HMG20A: variants seen among roughly 807,000 people sequenced by gnomAD.
HMG20A encodes high mobility group 20A, also known as high mobility group protein 20A.
Under a neutral mutation model 43.9 loss-of-function variants are expected in HMG20A, and 17 were observed. That is an observed-to-expected ratio of 0.39 (90% CI 0.27 to 0.58). The LOEUF is 0.58. Ranked by LOEUF, HMG20A falls within the 20% of genes least tolerant of loss-of-function variation. The pLI, the probability that HMG20A is intolerant of heterozygous loss-of-function variation, is 0.59. For synonymous variants in HMG20A, 132 were observed against 147.5 expected (o/e 0.89, Z 0.76); for missense variants, 341 against 438.2 (o/e 0.78, Z 1.98).
At chr15:77,481,482 T>A (rs2072905385) in intron 9 of HMG20A, among the ~76,000 whole-genome samples, 1 of 152,206 alleles carries the variant, frequency 6.6e-6, no homozygotes, top group Non-Finnish European at 1.5e-5. Context: ...CATTAATTGA[T>A]AACATCGTGT....
At chr15:77,464,115 T>A (rs34237392) in intron 2 of HMG20A, 125 bp from the exon 3 acceptor site, 105,170 of 1,076,310 alleles carry the variant, frequency 0.098, 5,698 homozygotes, top group Admixed American at 0.12. Flanking sequence ...TGTTTACATT[T>A]ATACAGATTA....
the HMG20A span, among the ~76,000 whole-genome samples, chr15:77,496,921 A>C: frequency 6.6e-6 from 1 of 152,216 alleles, no homozygotes; most frequent in Non-Finnish European, 1.5e-5. Flanking sequence ...CTTATTTCGC[A>C]AGAGAGTGAT....
the HMG20A span, among the ~76,000 whole-genome samples, chr15:77,506,154 T>C: frequency 7.2e-6 from 1 of 139,732 alleles, no homozygotes; most frequent in Non-Finnish European, 1.7e-5. Context: ...CAACAAATAA[T>C]TTTTTAATAT....
intron 2 of HMG20A, among the ~76,000 whole-genome samples, chr15:77,463,002 C>T (rs1324127145): frequency 2.6e-5 from 4 of 152,040 alleles, no homozygotes; most frequent in Non-Finnish European, 5.9e-5. Flanking sequence ...GAACTCCTGA[C>T]CTCAAGTGAT....
At chr15:77,506,085 A>AG in the HMG20A span, among the ~76,000 whole-genome samples, 1 of 151,898 alleles carries the variant, frequency 6.6e-6, no homozygotes, top group African/African-American at 2.4e-5. Flanking sequence ...AAAAAAAAAA[A>AG]AAAAAACCCT....
intron 1 of HMG20A, among the ~76,000 whole-genome samples, chr15:77,444,544 A>C (rs1160936211): frequency 6.6e-6 from 1 of 152,254 alleles, no homozygotes; most frequent in Non-Finnish European, 1.5e-5. Flanking sequence ...AGAAACAATC[A>C]GTAGCTTTTA....
At chr15:77,424,939 C>T (rs944722220) in intron 1 of HMG20A, among the ~76,000 whole-genome samples, 4 of 152,138 alleles carry the variant, frequency 2.6e-5, no homozygotes, top group Non-Finnish European at 4.4e-5. Flanking sequence ...TCTACACATC[C>T]AAACGGGATC....
chr15:77,497,682 A>AGAGAGAGAGAGAGAGAGAGT, the HMG20A span, among the ~76,000 whole-genome samples: 3 of 118,988 alleles, frequency 2.5e-5, no homozygotes, highest in African/African-American at 9.6e-5. Flanking sequence ...AGAGAGAGAG[A>AGAGAGAGAGAGAGAGAGAGT]GTGTGTGTGT....
At chr15:77,456,906 A>G (rs2072660171) in intron 1 of HMG20A, among the ~76,000 whole-genome samples, 1 of 152,220 alleles carries the variant, frequency 6.6e-6, no homozygotes, top group African/African-American at 2.4e-5. Flanking sequence ...TGTGGTATTT[A>G]TTAGAGCTAT....
At chr15:77,437,718 T>C (rs540580390) in intron 1 of HMG20A, among the ~76,000 whole-genome samples, 2 of 151,834 alleles carry the variant, frequency 1.3e-5, no homozygotes, top group East Asian at 2.0e-4. Flanking sequence ...ATTACAGGCA[T>C]GCGCCACCAC....
At chr15:77,509,223 TTTCCTTCC>T in the HMG20A span, among the ~76,000 whole-genome samples, 11 of 152,070 alleles carry the variant, frequency 7.2e-5, no homozygotes, top group Admixed American at 5.2e-4. Flanking sequence ...GTCACCTTCA[TTTCCTTCC>T]TTCCTTCCTT....
chr15:77,478,640 T>C, intron 8 of HMG20A, 130 bp downstream of exon 8: 1 of 712,192 alleles, frequency 1.4e-6, no homozygotes, highest in Middle Eastern at 4.0e-4. Flanking sequence ...TAAACTACAT[T>C]TTTTCTTCTC....
chr15:77,458,361 G>T (rs768583429), intron 1 of HMG20A, 43 bp from the exon 2 acceptor site: 1 of 1,265,492 alleles, frequency 7.9e-7, no homozygotes, highest in South Asian at 1.2e-5. Flanking sequence ...TGAAATGGAA[G>T]TAATTAAGCC....
intron 6 of HMG20A, 51 bp downstream of exon 6, chr15:77,471,865 G>T: frequency 7.6e-5 from 77 of 1,014,610 alleles, no homozygotes; most frequent in South Asian, 3.0e-4. Context: ...TAATAATGTT[G>T]CTTTTTGAAA....
chr15:77,474,698 G>T (rs963178196), intron 6 of HMG20A, among the ~76,000 whole-genome samples: 2 of 152,176 alleles, frequency 1.3e-5, no homozygotes, highest in Non-Finnish European at 2.9e-5. Flanking sequence ...ACTGGAGAGG[G>T]CATATTAGAG....
chr15:77,458,473 G>A lies in HMG20A; in HGVS notation c.66G>A (p.Glu22=), dbSNP rs771845754. ...TTGCAGATGAAGACGGTTCCAAGGA[G>A]AGTAATGATCTGGCTACCACTGGGT... is the stretch of plus-strand genomic sequence containing the variant. ...PLFADEDGSK[E]SNDLATTGLN... Residue 22 remains glutamate (E), a synonymous_variant, in exon 2 of 10, where the codon GAG becomes GAA. Transcript: ENST00000336216. 4.3e-6 allele frequency: 7 copies of A among 1,613,042 alleles called. No homozygotes were observed. In the East Asian group the frequency reaches 1.3e-4, roughly 31 times the overall value.
At chr15:77,495,947 C>T in the HMG20A span, among the ~76,000 whole-genome samples, 1 of 152,196 alleles carries the variant, frequency 6.6e-6, no homozygotes, top group Non-Finnish European at 1.5e-5. Flanking sequence ...AGGATGCTGC[C>T]TCACGTCCTG....
rs775111383 is a variant in HMG20A, at chr15:77,467,266, T to A, written c.409T>A (p.Leu137Ile). 3 of 1,613,976 alleles carry A rather than the reference T, an allele frequency of 1.9e-6. No homozygotes were observed. In the African/African-American group the frequency reaches 4.0e-5, roughly 22 times the overall value. ...CCCATTTCCAGAAATCACAAGGATG[T>A]TAGGCAATGAATGGAGTAAACTGCC... is the stretch of plus-strand genomic sequence containing the variant. Reference protein sequence around the residue: ...EVPFPEITRMLGNEWSKLPPE... With the variant: ...EVPFPEITRMIGNEWSKLPPE... Residue 137 changes from leucine (L) to isoleucine (I), a missense_variant, in exon 4 of 10, where the codon TTA (leucine) becomes ATA (isoleucine). Coordinates refer to ENST00000336216, the MANE Select transcript of HMG20A (RefSeq NM_001304504.2).
At chr15:77,482,664 G>A (rs1255171148) in intron 9 of HMG20A, 1 of 152,094 alleles carries the variant, frequency 6.6e-6, no homozygotes, top group Non-Finnish European at 1.5e-5. Context: ...TCCCTCCTCA[G>A]GTTTGTCCCT....
Sources: allele counts gnomAD v4.1 joint callset (sites outside exome capture counted in the v4.1 genomes callset), GRCh38; gene constraint gnomAD v4.1.1; transcripts MANE v1.5; gene names NCBI Gene and HGNC (gene_info 2026-07-23, HGNC 2026-07-21).